Variants in TEK observed in about 807,000 individuals in gnomAD.
TEK encodes the protein TEK receptor tyrosine kinase.
In TEK, 43 loss-of-function variants were observed where a neutral mutation model predicts 131.8. The ratio of observed to expected loss-of-function variants is 0.33; its 90% CI spans 0.26 to 0.42. The LOEUF (loss-of-function observed/expected upper bound fraction) is 0.42. Ranked by LOEUF, TEK falls within the 10% of genes least tolerant of loss-of-function variation. TEK has a pLI of 1.00. For synonymous variants in TEK, 580 were observed against 491.6 expected (o/e 1.18, Z -2.38); for missense variants, 1,162 against 1,384.4 (o/e 0.84, Z 2.55).
intron 21 of TEK, 84 bp from the exon 22 acceptor site, chr9:27,228,122 C>T (rs1326461968): frequency 2.5e-6 from 3 of 1,186,736 alleles, no homozygotes; most frequent in Non-Finnish European, 3.7e-6. Context: ...CATTGGGTGG[C>T]TTCATTCTCT....
chr9:27,117,165 G>A (rs560312035), intron 1 of TEK, among the ~76,000 whole-genome samples: 4 of 152,108 alleles, frequency 2.6e-5, no homozygotes, highest in South Asian at 4.2e-4. Context: ...GCGCCCGGCC[G>A]GAAAGAGAAT....
chr9:27,165,125 G>C (rs672293), intron 2 of TEK, among the ~76,000 whole-genome samples: 121,712 of 150,380 alleles, frequency 0.81, 49,068 homozygotes, highest in Middle Eastern at 0.87. Context: ...AAAACAGGAG[G>C]TTAAAAAGCA....
chr9:27,154,542 C>T (rs73643156), intron 1 of TEK, among the ~76,000 whole-genome samples: 3,808 of 152,276 alleles, frequency 0.025, 163 homozygotes, highest in African/African-American at 0.087. Context: ...CCAGTTCCCC[C>T]GAATAGGTCA....
intron 1 of TEK, among the ~76,000 whole-genome samples, chr9:27,140,172 CAT>C (rs1253012309): frequency 1.3e-5 from 2 of 152,194 alleles, no homozygotes; most frequent in African/African-American, 4.8e-5. Context: ...TGATCGAAAA[CAT>C]GTAGAAAATA....
chr9:27,123,401 A>G (rs1213561741), intron 1 of TEK, among the ~76,000 whole-genome samples: 1 of 151,840 alleles, frequency 6.6e-6, no homozygotes, highest in Non-Finnish European at 1.5e-5. Context: ...CATCACAGGT[A>G]CTCTCCTTCC....
In TEK at chr9:27,197,449, G is replaced by A. The variant is rs748343404; in HGVS notation, c.1759G>A (p.Asp587Asn). Reference protein sequence around the residue: ...EVERRSVQKSDQQNIKVPGNL... With the variant: ...EVERRSVQKSNQQNIKVPGNL... ...GGAGAGAAGGTCTGTGCAAAAAAGTGATCAGCAGAATATTAAAGTTCCAGG... is the reference window on the plus strand; with the variant it reads ...GGAGAGAAGGTCTGTGCAAAAAAGTAATCAGCAGAATATTAAAGTTCCAGG... Residue 587 changes from aspartate to asparagine, a missense_variant, in exon 12 of 23, where the codon GAT becomes AAT. Transcript: ENST00000380036. 9.3e-6 allele frequency: 15 copies of A among 1,613,930 alleles called. No homozygotes were observed. The highest frequency in any genetic ancestry group is 3.3e-5 in the Admixed American group (2 of 59,984).
chr9:27,111,089 G>A lies in TEK; in HGVS notation c.52+1447G>A, dbSNP rs534212755. Among the ~76,000 whole-genome samples, 15 of 152,258 alleles carry A rather than the reference G, an allele frequency of 9.9e-5. No individual in the cohort carries two copies. The South Asian group carries it at 3.1e-3, about 32-fold the overall frequency. ...CACTTTTTTTACTCCTAAAGCAACT[G>A]TGTTATAGCACTTTGCAATACAGGC... On this transcript the variant is annotated intron_variant, in intron 1 of 22. Coordinates refer to ENST00000380036, the MANE Select transcript of TEK (RefSeq NM_000459.5).
chr9:27,137,810 C>A (rs1012411678), intron 1 of TEK, among the ~76,000 whole-genome samples: 12 of 151,812 alleles, frequency 7.9e-5, no homozygotes, highest in Non-Finnish European at 2.9e-5. Context: ...TTTATTTTTT[C>A]TCTCTGCCTT....
intron 18 of TEK, among the ~76,000 whole-genome samples, chr9:27,213,920 A>G (rs759557084): frequency 5.3e-5 from 8 of 152,206 alleles, no homozygotes; most frequent in Non-Finnish European, 8.8e-5. Flanking sequence ...AGCTTGCACA[A>G]TCCCCTTTCA....
At chr9:27,124,752 T>C (rs1425033595) in intron 1 of TEK, among the ~76,000 whole-genome samples, 3 of 152,214 alleles carry the variant, frequency 2.0e-5, no homozygotes, top group African/African-American at 7.2e-5. Context: ...GAGCAAGTAA[T>C]TCAGGTAGTT....
At chr9:27,203,504 T>C (rs1825295005) in intron 13 of TEK, among the ~76,000 whole-genome samples, 2 of 152,134 alleles carry the variant, frequency 1.3e-5, no homozygotes, top group Admixed American at 6.5e-5. Context: ...TTTTTTAGCT[T>C]GGATGACATT....
chr9:27,147,729 C>T (rs892103794), intron 1 of TEK, among the ~76,000 whole-genome samples: 3 of 152,030 alleles, frequency 2.0e-5, no homozygotes, highest in Non-Finnish European at 2.9e-5. Flanking sequence ...ATGTTTTACA[C>T]GATGTATTTT....
At position 27,190,522 on chromosome 9, in the gene TEK, T is replaced by C. The variant is rs1380157658; in HGVS notation, c.1328-7T>C. 3 of 1,613,924 alleles carry C rather than the reference T, an allele frequency of 1.9e-6. No homozygotes were observed. Among genetic ancestry groups the C allele is most frequent in the African/African-American group, 1.3e-5 (1 of 75,036 alleles). On this transcript the variant is annotated splice_polypyrimidine_tract_variant and splice_region_variant and intron_variant, in intron 9 of 22. Transcript: ENST00000380036. ...AGGACTAATCTGCCTTCTGAAATTG[T>C]ATTTAGTTCTTCCAAAGCCCCTGAA...
intron 1 of TEK, among the ~76,000 whole-genome samples, chr9:27,116,937 C>T (rs1821585875): frequency 6.7e-6 from 1 of 149,202 alleles, no homozygotes; most frequent in Admixed American, 6.7e-5. Context: ...TCTCGGCTCA[C>T]TGCAAGCTCC....
At chr9:27,127,803 T>C (rs1335735038) in intron 1 of TEK, among the ~76,000 whole-genome samples, 3 of 152,244 alleles carry the variant, frequency 2.0e-5, no homozygotes, top group African/African-American at 7.2e-5. Flanking sequence ...TTATATCCTT[T>C]ACCCAATTTT....
intron 1 of TEK, among the ~76,000 whole-genome samples, chr9:27,155,768 A>C (rs898149986): frequency 1.3e-4 from 20 of 151,800 alleles, no homozygotes; most frequent in Non-Finnish European, 2.2e-4. Flanking sequence ...TTTGCCCCAA[A>C]ACAGTTAAAT....
At chr9:27,217,221 A>G (rs1825848288) in intron 18 of TEK, among the ~76,000 whole-genome samples, 2 of 152,136 alleles carry the variant, frequency 1.3e-5, no homozygotes. Flanking sequence ...TGACACCTAA[A>G]CATCTTATAG....
rs1159658437 is a variant in TEK, at chr9:27,202,747, C to CT, written c.1910-72dup. 4 of 1,503,702 alleles carry CT rather than the reference C, an allele frequency of 2.7e-6. No homozygotes were observed. The African/African-American group carries it at 5.5e-5, about 21-fold the overall frequency. The allele number at this position is 1,503,702 out of a possible 1,614,324, so 93.1% of individuals were successfully genotyped here. ...TGCCTTATATGAGCTGACATGAACTCTATCTCAAAAGCATAATGATCTAGG... is the reference window on the plus strand; with the variant it reads ...TGCCTTATATGAGCTGACATGAACTCTTATCTCAAAAGCATAATGATCTAGG... On this transcript the variant is annotated intron_variant, in intron 12 of 22. Transcript: ENST00000380036.
rs192744763 is a variant in TEK at position 27,225,263 on chromosome 9, A to G, written c.3201-2943A>G. On this transcript the variant is annotated intron_variant, in intron 21 of 22. Coordinates refer to ENST00000380036, the MANE Select transcript of TEK (RefSeq NM_000459.5). ...GCTTTAAATTTCATATGGAACCAAA[A>G]AAGAGCCTGCATAGCCAAGACAATC... Among the ~76,000 whole-genome samples the G allele has an allele frequency of 5.0e-4, 76 of 152,328 alleles. 2 individuals carry two copies. In the East Asian group the frequency reaches 0.012, roughly 25 times the overall value.
Sources: allele counts gnomAD v4.1 joint callset (sites outside exome capture counted in the v4.1 genomes callset), GRCh38; gene constraint gnomAD v4.1.1; transcripts MANE v1.5; gene names NCBI Gene and HGNC (gene_info 2026-07-23, HGNC 2026-07-21).